The following ZHX1 variants were observed in gnomAD, a reference collection of about 807,000 sequenced individuals.
The protein encoded by ZHX1 is zinc fingers and homeoboxes protein 1.
Under a neutral mutation model 61.8 loss-of-function variants are expected in ZHX1, and 20 were observed. The observed-to-expected ratio is 0.32, with a 90% CI of 0.23 to 0.47. ZHX1 has a LOEUF of 0.47. Ranked by LOEUF, ZHX1 falls within the 20% of genes least tolerant of loss-of-function variation. ZHX1 has a pLI of 1.00. For missense variants in ZHX1, 800 were observed against 1,034.8 expected (o/e 0.77, Z 3.11); for synonymous variants, 318 against 352.6 (o/e 0.90, Z 1.10).
intron 2 of ZHX1, among the ~76,000 whole-genome samples, chr8:123,262,199 T>G (rs1302716614): frequency 6.6e-6 from 1 of 152,240 alleles, no homozygotes; most frequent in Non-Finnish European, 1.5e-5. Context: ...ATGTAATTAC[T>G]TTTCAAAACT....
At chr8:123,265,493 T>C (rs1465650403) in intron 2 of ZHX1, among the ~76,000 whole-genome samples, 1 of 152,130 alleles carries the variant, frequency 6.6e-6, no homozygotes, top group African/African-American at 2.4e-5. Flanking sequence ...AACAAAGAAT[T>C]AGGTCATATT....
Position 123,254,978 on chromosome 8 carries a change from A to G in ZHX1, c.969T>C (p.Tyr323=), listed in dbSNP as rs184862716. 4 of 1,614,198 alleles carry G rather than the reference A, an allele frequency of 2.5e-6. No homozygotes were observed. In the East Asian group the frequency reaches 6.7e-5, roughly 27 times the overall value. The change falls in exon 3 of 4, where the codon TAT becomes TAC. Residue 323 remains tyrosine, a synonymous_variant. Transcript: ENST00000395571. The surrounding 1 kb of genome is among the most constrained non-coding windows in gnomAD (Gnocchi z 4.1). ...EITVLSAQAK[Y]TEEQIKIWFS... ...ACCATATCTTGATCTGTTCCTCTGT[A>G]TATTTTGCTTGAGCAGAAAGAACTG... is the stretch of plus-strand genomic sequence containing the variant.
rs200994423 is a variant in ZHX1, at chr8:123,255,730, T to G, written c.217A>C (p.Lys73Gln). ...NKKVEGGYEC[K>Q]YCTFQTPDLN... ...TCTGGAGTTTGAAAAGTACAATATTTACATTCATATCCACCTTCAACTTTT... is the reference window on the plus strand; with the variant it reads ...TCTGGAGTTTGAAAAGTACAATATTGACATTCATATCCACCTTCAACTTTT... The change falls in exon 3 of 4, where the codon AAA becomes CAA. Residue 73 changes from lysine (K) to glutamine (Q), a missense_variant. By Grantham distance (53) the Lys-to-Gln change is moderately conservative (BLOSUM62 1). Transcript: ENST00000395571. 1 of 1,613,864 alleles carries G rather than the reference T, an allele frequency of 6.2e-7. No individual in the cohort carries two copies.
chr8:123,250,178 T>C lies in ZHX1; in HGVS notation c.*146A>G, dbSNP rs749310124. The C allele has an allele frequency of 2.0e-5, 9 of 447,234 alleles. No homozygotes were observed. Among genetic ancestry groups the C allele is most frequent in the Middle Eastern group, 3.3e-4 (1 of 3,076 alleles). The allele number at this position is 447,234 out of a possible 1,614,324, so 27.7% of individuals were successfully genotyped here. ...AGTTTAACTTTGGCACAACATTAAG[T>C]TCCATTTCTTTTGGGTATTGGATCC... On this transcript the variant is annotated 3_prime_UTR_variant, in exon 4 of 4. Transcript: ENST00000395571.
intron 1 of ZHX1, among the ~76,000 whole-genome samples, chr8:123,269,892 T>C (rs1199364344): frequency 6.6e-6 from 1 of 152,220 alleles, no homozygotes; most frequent in Non-Finnish European, 1.5e-5. Flanking sequence ...TTATTTGCCA[T>C]TTCATACCTC....
intron 1 of ZHX1, 109 bp downstream of exon 1, chr8:123,274,108 C>A (rs1170409616): frequency 6.5e-6 from 1 of 153,034 alleles, no homozygotes; most frequent in Non-Finnish European, 1.5e-5. Flanking sequence ...CCCGCCAGGC[C>A]CCGCGCTACT....
chr8:123,265,592 TA>T (rs1826430094), intron 2 of ZHX1, among the ~76,000 whole-genome samples: 1 of 152,178 alleles, frequency 6.6e-6, no homozygotes, highest in Non-Finnish European at 1.5e-5. Context: ...AAAATAAAAA[TA>T]AAATGTTAAA....
intron 2 of ZHX1, chr8:123,257,367 A>T (rs902590036): frequency 6.6e-6 from 1 of 152,262 alleles, no homozygotes; most frequent in African/African-American, 2.4e-5. Context: ...TTCACAACCT[A>T]GTCTAACCTC....
At chr8:123,259,978 AC>A (rs1192600842) in intron 2 of ZHX1, among the ~76,000 whole-genome samples, 1 of 151,854 alleles carries the variant, frequency 6.6e-6, no homozygotes. Flanking sequence ...CAACAGTGAA[AC>A]CCCGTCTCTA....
chr8:123,253,871 C>G lies in ZHX1; in HGVS notation c.2076G>C (p.Lys692Asn). 3 of 1,614,202 alleles carry G rather than the reference C, an allele frequency of 1.9e-6. No homozygotes were observed. The highest frequency in any genetic ancestry group is 2.5e-6 in the Non-Finnish European group (3 of 1,180,024). Residue 692 changes from lysine to asparagine, a missense_variant, in exon 3 of 4, where the codon AAG (lysine) becomes AAC (asparagine). Physicochemically the swap from Lys to Asn is moderately conservative, Grantham distance 94 (BLOSUM62 0). Coordinates refer to ENST00000395571, the MANE Select transcript of ZHX1 (RefSeq NM_007222.5). Reference sequence around the variant, plus strand: ...TAGCAAGCCCGCTTTCTTTGGCCAACTTGTCATACTCTTCTGGTGATGGCC... The same window carrying G: ...TAGCAAGCCCGCTTTCTTTGGCCAAGTTGTCATACTCTTCTGGTGATGGCC... ...TQWPSPEEYD[K>N]LAKESGLART...
upstream of ZHX1, chr8:123,274,350 C>G (rs1826771090): frequency 6.6e-6 from 1 of 152,380 alleles, no homozygotes; most frequent in African/African-American, 2.4e-5. Flanking sequence ...GCAAAGGGGC[C>G]TCAGCAGCTC....
rs753655694 is a variant in ZHX1, at chr8:123,253,753, T to G, written c.2194A>C (p.Ser732Arg). 4.6e-5 allele frequency: 74 copies of G among 1,614,234 alleles called. No individual in the cohort carries two copies. The highest frequency in any genetic ancestry group is 6.3e-5 in the Non-Finnish European group (74 of 1,180,042). The change falls in exon 3 of 4, where the codon AGT (serine) becomes CGT (arginine). Residue 732 changes from serine to arginine, a missense_variant. Ser to Arg is a moderately radical substitution (Grantham distance 110, BLOSUM62 -1). Transcript: ENST00000395571. ...AGGGAAGACAGACCATTCATACTAC[T>G]TGAATTGGCGCTCTGATAGTAGTAG... ...WYYYYQSANSSSMNGLSSLRK... is the reference protein window; with the variant it reads ...WYYYYQSANSRSMNGLSSLRK...
intron 1 of ZHX1, among the ~76,000 whole-genome samples, chr8:123,270,617 CA>C (rs964665797): frequency 9.9e-5 from 14 of 140,714 alleles, no homozygotes; most frequent in Admixed American, 7.1e-5. Context: ...CCTATCTCTA[CA>C]AAAAAAAAAA....
chr8:123,263,063 A>AGAAG (rs1162730720), intron 2 of ZHX1: 8 of 150,098 alleles, frequency 5.3e-5, no homozygotes, highest in Non-Finnish European at 1.0e-4. Flanking sequence ...GAGGCTTGGA[A>AGAAG]GAAGGAAGGA....
chr8:123,267,390 C>A lies in ZHX1; in HGVS notation c.-339-4G>T. On this transcript the variant is annotated splice_region_variant and splice_polypyrimidine_tract_variant and intron_variant, in intron 1 of 3. Coordinates refer to ENST00000395571, the MANE Select transcript of ZHX1 (RefSeq NM_007222.5). The stretch of plus-strand genomic sequence containing the variant: ...CAAAGCAGCAGTCTGTCTTCTCCTA[C>A]AAAAAAGTCATATTTTATTATTCTA... 2.2e-6 allele frequency: 2 copies of A among 903,426 alleles called. No homozygotes were observed. The highest frequency in any genetic ancestry group is 3.1e-5 in the Admixed American group (1 of 31,926). The allele number at this position is 903,426 out of a possible 1,614,324, so 56.0% of individuals were successfully genotyped here.
chr8:123,267,756 C>T (rs1826505026), intron 1 of ZHX1, among the ~76,000 whole-genome samples: 1 of 152,134 alleles, frequency 6.6e-6, no homozygotes, highest in Non-Finnish European at 1.5e-5. Flanking sequence ...AATCCCAGCA[C>T]TTCGGGAGGC....
rs1419584719 is a variant in ZHX1, at chr8:123,254,270, T to C, written c.1677A>G (p.Gln559=). 6.2e-7 allele frequency: 1 copy of C among 1,614,156 alleles called. No individual in the cohort carries two copies. Residue 559 remains glutamine (Q), a synonymous_variant, in exon 3 of 4, where the codon CAA becomes CAG. Transcript: ENST00000395571. This position sits in a 1 kb window ranked among gnomAD's most constrained non-coding sequence, Gnocchi z 4.1. ...SPTVGTAQPK[Q]SWNPFPDFTP... ...TAAAGTCAGGAAAAGGATTCCAGGA[T>C]TGCTTAGGCTGTGCAGTACCAACAG...
Position 123,248,972 on chromosome 8 carries a change from A to C in ZHX1, c.*1352T>G, listed in dbSNP as rs1309272847. On this transcript the variant is annotated 3_prime_UTR_variant, in exon 4 of 4. Transcript: ENST00000395571. ...TTACTAATAAAGCTATAGTTAAAAA[A>C]TAAAAAGTTTATAAAAATGAAAGCA... is the stretch of plus-strand genomic sequence containing the variant. The C allele has an allele frequency of 7.9e-5, 12 of 152,738 alleles. No individual in the cohort carries two copies. The highest frequency in any genetic ancestry group is 1.5e-5 in the Non-Finnish European group (1 of 68,002). The allele number at this position is 152,738 out of a possible 1,614,324, so 9.5% of individuals were successfully genotyped here. A position where few individuals can be genotyped will look rare whatever the true frequency, so the allele number is the denominator to read the frequency against.
At chr8:123,267,431 TAGTC>T (rs1826493300) in intron 1 of ZHX1, 45 bp from the exon 2 acceptor site, 2 of 551,698 alleles carry the variant, frequency 3.6e-6, no homozygotes, top group Non-Finnish European at 5.6e-6. Flanking sequence ...AATTTAGCCT[TAGTC>T]AGGAAATTTT....
Sources: allele counts gnomAD v4.1 joint callset (sites outside exome capture counted in the v4.1 genomes callset), GRCh38; gene constraint gnomAD v4.1.1; non-coding constraint Gnocchi (gnomAD v3.1); transcripts MANE v1.5; gene names NCBI Gene and HGNC (gene_info 2026-07-23, HGNC 2026-07-21).